Variants in HDAC4 observed in about 807,000 individuals in gnomAD.
The protein encoded by HDAC4 is histone deacetylase A.
In HDAC4, 16 loss-of-function variants were observed where a neutral mutation model predicts 135.1. The observed-to-expected ratio is 0.12, with a 90% CI of 0.08 to 0.18. HDAC4 has a LOEUF of 0.18. HDAC4 is among the 10% of genes least tolerant of loss of function. The pLI is 1.00. For synonymous variants in HDAC4, 685 were observed against 653.4 expected (o/e 1.05, Z -0.74); for missense variants, 1,143 against 1,511.8 (o/e 0.76, Z 4.05).
chr2:239,094,825 G>A, intron 17 of HDAC4, 185 bp downstream of exon 17: 1 of 1,479,212 alleles, frequency 6.8e-7, no homozygotes, highest in East Asian at 2.6e-5. Flanking sequence ...AGAGAAAGGT[G>A]CCCGAGTCGG....
intron 2 of HDAC4, among the ~76,000 whole-genome samples, chr2:239,310,397 C>A (rs138578374): frequency 1.1e-3 from 164 of 152,300 alleles, no homozygotes; most frequent in African/African-American, 3.7e-3. Context: ...TTTGCTCCCC[C>A]CCGAACCAAG....
chr2:239,103,224 T>A (rs926374915), intron 15 of HDAC4, among the ~76,000 whole-genome samples: 1 of 152,088 alleles, frequency 6.6e-6, no homozygotes, highest in Non-Finnish European at 1.5e-5. Flanking sequence ...GCTGCCAGGG[T>A]CTGGTCTTAA....
chr2:239,317,789 C>G (rs2053169045), intron 2 of HDAC4, among the ~76,000 whole-genome samples: 1 of 152,196 alleles, frequency 6.6e-6, no homozygotes, highest in Non-Finnish European at 1.5e-5. Context: ...ACAGAGGGTC[C>G]TCAAGCAATG....
chr2:239,243,994 C>T (rs541300115), intron 2 of HDAC4, among the ~76,000 whole-genome samples: 4 of 152,302 alleles, frequency 2.6e-5, no homozygotes, highest in African/African-American at 9.6e-5. Context: ...ACCACCTTGA[C>T]AGCTTTAAGC....
intron 3 of HDAC4, among the ~76,000 whole-genome samples, chr2:239,205,143 G>A (rs1437109500): frequency 2.6e-5 from 4 of 152,218 alleles, no homozygotes; most frequent in South Asian, 2.1e-4. Context: ...TCAGGTGCCA[G>A]AGTCTGTACT....
At chr2:239,191,430 C>T (rs948873969) in intron 3 of HDAC4, among the ~76,000 whole-genome samples, 2 of 152,252 alleles carry the variant, frequency 1.3e-5, no homozygotes, top group African/African-American at 2.4e-5. Flanking sequence ...TTGGGTGAAA[C>T]AGCCCATAGG....
At chr2:239,380,578 C>T (rs1238149859) in intron 1 of HDAC4, among the ~76,000 whole-genome samples, 1 of 152,152 alleles carries the variant, frequency 6.6e-6, no homozygotes, top group African/African-American at 2.4e-5. Context: ...ATGTTAATAG[C>T]TTCAGTTTTG....
At chr2:239,297,756 G>A (rs2052000236) in intron 2 of HDAC4, among the ~76,000 whole-genome samples, 1 of 152,200 alleles carries the variant, frequency 6.6e-6, no homozygotes, top group Admixed American at 6.5e-5. Flanking sequence ...CTGACACAGG[G>A]CTGTGCCACA....
intron 3 of HDAC4, among the ~76,000 whole-genome samples, chr2:239,221,735 A>AT (rs1446592914): frequency 1.3e-5 from 2 of 151,832 alleles, no homozygotes; most frequent in African/African-American, 4.8e-5. Flanking sequence ...CAAAAATCTC[A>AT]TTTTTCAGCC....
intron 2 of HDAC4, among the ~76,000 whole-genome samples, chr2:239,261,707 C>G (rs1023263488): frequency 2.6e-5 from 4 of 152,168 alleles, no homozygotes; most frequent in Non-Finnish European, 2.9e-5. Flanking sequence ...CCTAAGAGGG[C>G]CTGGTGAGAT....
chr2:239,266,541 G>A (rs2049742268), intron 2 of HDAC4, among the ~76,000 whole-genome samples: 1 of 152,186 alleles, frequency 6.6e-6, no homozygotes, highest in South Asian at 2.1e-4. Flanking sequence ...CTGTCCCGAG[G>A]CAAGAGTCCA....
intron 2 of HDAC4, among the ~76,000 whole-genome samples, chr2:239,315,768 G>T (rs2053090355): frequency 6.6e-6 from 1 of 152,080 alleles, no homozygotes; most frequent in African/African-American, 2.4e-5. Context: ...AAACGAATTG[G>T]GGATGCAAAT....
intron 1 of HDAC4, among the ~76,000 whole-genome samples, chr2:239,365,196 G>A (rs200136208): frequency 6.6e-6 from 1 of 152,174 alleles, no homozygotes; most frequent in East Asian, 1.9e-4. Context: ...GGAGTGTAAG[G>A]TCTGGCTATT....
intron 5 of HDAC4, among the ~76,000 whole-genome samples, chr2:239,176,147 C>A (rs2043747208): frequency 6.6e-6 from 1 of 152,082 alleles, no homozygotes; most frequent in African/African-American, 2.4e-5. Flanking sequence ...CTGCCCCTCA[C>A]CTTCCGGAGT....
chr2:239,236,912 T>C (rs1294937493), intron 2 of HDAC4, among the ~76,000 whole-genome samples: 1 of 152,116 alleles, frequency 6.6e-6, no homozygotes, highest in Non-Finnish European at 1.5e-5. Context: ...GCTTAGCAAT[T>C]TGGGTTTACT....
chr2:239,053,895 G>T (rs552337822), intron 25 of HDAC4, among the ~76,000 whole-genome samples: 1 of 152,190 alleles, frequency 6.6e-6, no homozygotes, highest in South Asian at 2.1e-4. Flanking sequence ...CCACGCTCAC[G>T]GGCCCCTTTC....
chr2:239,156,597 G>A (rs1473092714), intron 7 of HDAC4, 55 bp downstream of exon 7: 27 of 1,612,732 alleles, frequency 1.7e-5, no homozygotes, highest in African/African-American at 5.3e-5. Context: ...GGCTTGTGGC[G>A]TGGAAGGTGC....
intron 3 of HDAC4, among the ~76,000 whole-genome samples, chr2:239,218,552 G>A (rs1355745183): frequency 6.7e-6 from 1 of 150,344 alleles, no homozygotes; most frequent in Non-Finnish European, 1.5e-5. Flanking sequence ...CAGGACATAG[G>A]CATGGGCAAG....
At chr2:239,267,746 G>C (rs908983754) in intron 2 of HDAC4, among the ~76,000 whole-genome samples, 8 of 152,246 alleles carry the variant, frequency 5.3e-5, no homozygotes, top group Admixed American at 2.0e-4. Flanking sequence ...GAAGAGCTCT[G>C]CCCTGGGGCA....
Sources: gnomAD v4.1 joint callset for allele counts (sites outside exome capture counted in the v4.1 genomes callset) on GRCh38, gnomAD v4.1.1 for gene constraint, MANE v1.5 for transcripts, NCBI Gene and HGNC (gene_info 2026-07-23, HGNC 2026-07-21) for gene names.